The following MECOM variants were observed in gnomAD, a reference collection of about 807,000 sequenced individuals.
MECOM encodes the protein MDS1 and EVI1 complex locus.
A neutral mutation model predicts 116.3 loss-of-function variants in MECOM; 13 were observed. That is an observed-to-expected ratio of 0.11 (90% CI 0.07 to 0.18). The LOEUF (loss-of-function observed/expected upper bound fraction) is 0.18. Ranked by LOEUF, MECOM falls within the 10% of genes least tolerant of loss-of-function variation. The pLI is 1.00. For missense variants in MECOM, 1,299 were observed against 1,509.0 expected, an observed-to-expected ratio of 0.86 and a Z score of 2.31; for synonymous variants, 528 against 535.2, an observed-to-expected ratio of 0.99 and a Z score of 0.19.
chr3:169,287,727 A>G (rs1713625349), intron 2 of MECOM, among the ~76,000 whole-genome samples: 1 of 152,148 alleles, frequency 6.6e-6, no homozygotes, highest in African/African-American at 2.4e-5. Context: ...GTGAGGCCGT[A>G]AAAAAATTGT....
chr3:169,461,525 C>T (rs1194346644), intron 1 of MECOM, among the ~76,000 whole-genome samples: 1 of 152,038 alleles, frequency 6.6e-6, no homozygotes, highest in Non-Finnish European at 1.5e-5. Context: ...TGGTGAAGGT[C>T]ATTTAGCCAA....
chr3:169,095,706 TA>T (rs1721232197), intron 12 of MECOM, among the ~76,000 whole-genome samples: 2 of 152,204 alleles, frequency 1.3e-5, no homozygotes, highest in Non-Finnish European at 2.9e-5. Flanking sequence ...GTGCTAATCC[TA>T]AAGAAAATTC....
intron 1 of MECOM, among the ~76,000 whole-genome samples, chr3:169,545,054 T>A (rs1234010165): frequency 6.6e-6 from 1 of 152,134 alleles, no homozygotes; most frequent in Non-Finnish European, 1.5e-5. Context: ...AAAATTTTTT[T>A]AATTAAAAAA....
At chr3:169,476,156 C>T (rs1750340067) in intron 1 of MECOM, among the ~76,000 whole-genome samples, 1 of 152,116 alleles carries the variant, frequency 6.6e-6, no homozygotes, top group Non-Finnish European at 1.5e-5. Flanking sequence ...CAGCCTTCAA[C>T]CACCACAAGA....
At chr3:169,095,484 T>G (rs1388563687) in intron 12 of MECOM, among the ~76,000 whole-genome samples, 1 of 152,166 alleles carries the variant, frequency 6.6e-6, no homozygotes, top group African/African-American at 2.4e-5. Context: ...TGCTCCCAAA[T>G]TCATTAATCA....
intron 1 of MECOM, among the ~76,000 whole-genome samples, chr3:169,529,788 T>C (rs1758377665): frequency 6.6e-6 from 1 of 152,220 alleles, no homozygotes; most frequent in African/African-American, 2.4e-5. Flanking sequence ...TGCTTTGTAC[T>C]GGTCCAGCAC....
intron 1 of MECOM, among the ~76,000 whole-genome samples, chr3:169,401,297 T>C (rs992199284): frequency 2.3e-4 from 35 of 152,282 alleles, no homozygotes; most frequent in African/African-American, 8.4e-4. Context: ...CAACCTGCTG[T>C]CATACCTGAA....
chr3:169,628,425 A>G (rs965785805), intron 1 of MECOM, among the ~76,000 whole-genome samples: 9 of 152,218 alleles, frequency 5.9e-5, no homozygotes, highest in African/African-American at 1.9e-4. Context: ...TTTAATTTTT[A>G]TAGTGTTAGA....
At chr3:169,234,660 A>T (rs1490892623) in intron 2 of MECOM, among the ~76,000 whole-genome samples, 1 of 152,160 alleles carries the variant, frequency 6.6e-6, no homozygotes. Flanking sequence ...TGTGTAAGTT[A>T]AAACAGTAGC....
At chr3:169,518,244 G>A (rs1233530896) in intron 1 of MECOM, among the ~76,000 whole-genome samples, 1 of 150,186 alleles carries the variant, frequency 6.7e-6, no homozygotes, top group Non-Finnish European at 1.5e-5. Context: ...GGGCGACAGA[G>A]TGAGACTCCA....
At chr3:169,310,508 T>C (rs556592753) in intron 2 of MECOM, among the ~76,000 whole-genome samples, 11 of 152,348 alleles carry the variant, frequency 7.2e-5, no homozygotes, top group Admixed American at 6.5e-4. Flanking sequence ...TTCTGGAAAG[T>C]CATTATGATG....
intron 3 of MECOM, among the ~76,000 whole-genome samples, chr3:169,134,815 A>G (rs971711603): frequency 6.6e-6 from 1 of 152,232 alleles, no homozygotes; most frequent in Non-Finnish European, 1.5e-5. Context: ...GCCAGCAGGC[A>G]TTTGAGAAGA....
At chr3:169,548,894 A>G (rs1053205696) in intron 1 of MECOM, among the ~76,000 whole-genome samples, 1 of 152,100 alleles carries the variant, frequency 6.6e-6, no homozygotes, top group Admixed American at 6.5e-5. Context: ...AAATGTGGTA[A>G]CTGATACCTA....
chr3:169,153,308 G>T lies in MECOM; in HGVS notation c.376-9476C>A, dbSNP rs115287677. Among the ~76,000 whole-genome samples, 1,250 of 152,152 alleles carry T rather than the reference G, an allele frequency of 8.2e-3. 8 individuals carry two copies. The highest frequency in any genetic ancestry group is 0.021 in the South Asian group (102 of 4,818). ...AAAAATAAATACAAAAACTGAGACA[G>T]TCACAAAAAATGCATAACATATCAA... On this transcript the variant is annotated intron_variant, in intron 2 of 16. Transcript: ENST00000651503.
At chr3:169,399,503 T>A (rs192388602) in intron 1 of MECOM, among the ~76,000 whole-genome samples, 71 of 152,356 alleles carry the variant, frequency 4.7e-4, no homozygotes, top group African/African-American at 1.7e-3. Context: ...CAATACTTTT[T>A]AGATAATTAC....
chr3:169,196,511 T>C (rs1748425733), intron 2 of MECOM, among the ~76,000 whole-genome samples: 1 of 152,102 alleles, frequency 6.6e-6, no homozygotes, highest in Non-Finnish European at 1.5e-5. Flanking sequence ...ACATATTAAC[T>C]ACTTGTCTCA....
intron 1 of MECOM, among the ~76,000 whole-genome samples, chr3:169,578,042 A>G (rs975631737): frequency 6.6e-6 from 1 of 152,190 alleles, no homozygotes; most frequent in Non-Finnish European, 1.5e-5. Flanking sequence ...AAGAAAAAAA[A>G]AAGACGTTGT....
At chr3:169,599,191 A>G (rs1007118115) in intron 1 of MECOM, among the ~76,000 whole-genome samples, 3 of 152,202 alleles carry the variant, frequency 2.0e-5, no homozygotes, top group African/African-American at 4.8e-5. Flanking sequence ...CCCTATACGC[A>G]TTAACGTGAG....
chr3:169,191,697 T>C (rs1240384600), intron 2 of MECOM, among the ~76,000 whole-genome samples: 2 of 68,208 alleles, frequency 2.9e-5, no homozygotes, highest in Non-Finnish European at 5.6e-5. Context: ...GAAAAAGAGA[T>C]AGAAAAGAAA....
Sources: allele counts gnomAD v4.1 joint callset (sites outside exome capture counted in the v4.1 genomes callset), GRCh38; gene constraint gnomAD v4.1.1; transcripts MANE v1.5; gene names NCBI Gene and HGNC (gene_info 2026-07-23, HGNC 2026-07-21).